Variants in CHSY3 observed in about 807,000 individuals in gnomAD.
CHSY3 encodes the protein chondroitin sulfate synthase 3.
A neutral mutation model predicts 67.2 loss-of-function variants in CHSY3; 35 were observed. That is an observed-to-expected ratio of 0.52 (90% CI 0.40 to 0.69). The LOEUF (loss-of-function observed/expected upper bound fraction) is 0.69, where lower values mean the gene tolerates loss of function less well. Among genes scored for constraint, CHSY3 ranks in the 30% least tolerant of loss-of-function variants. CHSY3 has a pLI of 0.00. For missense variants in CHSY3, 1,069 were observed against 1,138.5 expected (o/e 0.94, Z 0.88); for synonymous variants, 474 against 434.7 (o/e 1.09, Z -1.12).
intron 2 of CHSY3, among the ~76,000 whole-genome samples, chr5:130,002,393 A>G (rs2149639901): frequency 6.6e-6 from 1 of 152,212 alleles, no homozygotes; most frequent in South Asian, 2.1e-4. Context: ...CCTTTTCTGG[A>G]TGTGCCCCAG....
intron 2 of CHSY3, among the ~76,000 whole-genome samples, chr5:130,114,677 G>A (rs1171283915): frequency 6.6e-6 from 1 of 152,148 alleles, no homozygotes; most frequent in East Asian, 1.9e-4. Context: ...GTCACTTAAA[G>A]TTTCTTTATG....
rs1390317084 is a variant in CHSY3 at position 129,940,756 on chromosome 5, G to A, written c.1086+32396G>A. On this transcript the variant is annotated intron_variant, in intron 2 of 2. Coordinates refer to ENST00000305031, the MANE Select transcript of CHSY3 (RefSeq NM_175856.5). The stretch of plus-strand genomic sequence containing the variant: ...TCTGTGTGAGAGTATATTCATGTGT[G>A]TAGACTTTATATATACATATATATA... Among the ~76,000 whole-genome samples, 9 of 151,996 alleles carry A rather than the reference G, an allele frequency of 5.9e-5. No individual in the cohort carries two copies. In the East Asian group the frequency reaches 1.7e-3, roughly 29 times the overall value.
intron 2 of CHSY3, among the ~76,000 whole-genome samples, chr5:129,947,662 G>A (rs940695274): frequency 6.6e-6 from 1 of 151,684 alleles, no homozygotes; most frequent in Non-Finnish European, 1.5e-5. Context: ...ATGAGATTTG[G>A]GTGGGGGCAC....
At chr5:130,009,084 T>C (rs1763970384) in intron 2 of CHSY3, among the ~76,000 whole-genome samples, 1 of 151,916 alleles carries the variant, frequency 6.6e-6, no homozygotes, top group African/African-American at 2.4e-5. Context: ...ACTAGAGAGG[T>C]CAACATTCAA....
chr5:130,143,708 GTA>G (rs1304886236), intron 2 of CHSY3, among the ~76,000 whole-genome samples: 3 of 131,512 alleles, frequency 2.3e-5, no homozygotes, highest in Admixed American at 8.0e-5. Context: ...TACCCATAGG[GTA>G]TATATATATA....
chr5:130,143,756 A>ATATATATATATATATGTG (rs1433405052), intron 2 of CHSY3, among the ~76,000 whole-genome samples: 12 of 101,900 alleles, frequency 1.2e-4, no homozygotes, highest in African/African-American at 5.2e-4. Context: ...ATATATATAT[A>ATATATATATATATATGTG]TGTGTGTGTG....
At chr5:129,935,258 TC>T (rs1460236018) in intron 2 of CHSY3, among the ~76,000 whole-genome samples, 2 of 152,204 alleles carry the variant, frequency 1.3e-5, no homozygotes, top group Non-Finnish European at 2.9e-5. Flanking sequence ...TTACGTATCA[TC>T]TTTTGTCCTA....
chr5:130,009,065 C>T (rs1763969888), intron 2 of CHSY3, among the ~76,000 whole-genome samples: 1 of 152,076 alleles, frequency 6.6e-6, no homozygotes, highest in South Asian at 2.1e-4. Context: ...ACAAAATTTT[C>T]ACAACTTAAC....
At chr5:130,024,708 G>T (rs1300855281) in intron 2 of CHSY3, among the ~76,000 whole-genome samples, 1 of 151,920 alleles carries the variant, frequency 6.6e-6, no homozygotes, top group Admixed American at 6.6e-5. Flanking sequence ...TGAATAGCAT[G>T]AAAAAAAATT....
At chr5:130,112,076 C>T (rs1246268892) in intron 2 of CHSY3, among the ~76,000 whole-genome samples, 2 of 152,088 alleles carry the variant, frequency 1.3e-5, no homozygotes, top group African/African-American at 4.8e-5. Flanking sequence ...CGTTGATTCT[C>T]AGACTGTGGT....
intron 2 of CHSY3, among the ~76,000 whole-genome samples, chr5:130,142,446 C>T (rs1768896876): frequency 6.6e-6 from 1 of 152,092 alleles, no homozygotes; most frequent in African/African-American, 2.4e-5. Context: ...AAAACTGAAA[C>T]CTCGCTTTTT....
intron 2 of CHSY3, among the ~76,000 whole-genome samples, chr5:129,998,401 A>C (rs1763613110): frequency 2.6e-5 from 4 of 152,220 alleles, no homozygotes; most frequent in Admixed American, 1.3e-4. Flanking sequence ...GATGAGCATT[A>C]AGATTGTTTT....
intron 2 of CHSY3, among the ~76,000 whole-genome samples, chr5:129,970,455 CAG>C (rs1405524682): frequency 2.7e-4 from 41 of 151,060 alleles, no homozygotes; most frequent in African/African-American, 9.5e-4. Flanking sequence ...GATAGACAGA[CAG>C]AAAGTGCTTT....
In CHSY3 at chr5:129,904,583, A is replaced by C; in HGVS notation, c.-247A>C. The C allele has an allele frequency of 2.1e-6, 1 of 474,218 alleles. No individual in the cohort carries two copies. Among genetic ancestry groups the C allele is most frequent in the Non-Finnish European group, 3.2e-6 (1 of 312,980 alleles). The allele number at this position is 474,218 out of a possible 1,614,324, so 29.4% of individuals were successfully genotyped here. A position where few individuals can be genotyped will look rare whatever the true frequency, so the allele number is the denominator to read the frequency against. Reference sequence around the variant, plus strand: ...CGCTGCCGCCACCGCCGCCGCCGGGAGAAGTTTCACTCCCGACCCTTGCTC... The same window carrying C: ...CGCTGCCGCCACCGCCGCCGCCGGGCGAAGTTTCACTCCCGACCCTTGCTC... On this transcript the variant is annotated 5_prime_UTR_variant, in exon 1 of 3. Transcript: ENST00000305031.
At chr5:129,936,224 A>G (rs1761483424) in intron 2 of CHSY3, among the ~76,000 whole-genome samples, 2 of 152,238 alleles carry the variant, frequency 1.3e-5, no homozygotes, top group African/African-American at 2.4e-5. Context: ...AATGTATCCT[A>G]TAAAATAAAG....
At position 129,905,325 on chromosome 5, in the gene CHSY3, A is replaced by G; in HGVS notation, c.496A>G (p.Ser166Gly). 6.5e-7 allele frequency: 1 copy of G among 1,527,334 alleles called. No homozygotes were observed. Among genetic ancestry groups the G allele is most frequent in the Non-Finnish European group, 8.8e-7 (1 of 1,141,138 alleles). The allele number at this position is 1,527,334 out of a possible 1,614,324, so 94.6% of individuals were successfully genotyped here. A position where few individuals can be genotyped will look rare whatever the true frequency, so the allele number is the denominator to read the frequency against. The change falls in exon 1 of 3, where the codon AGC becomes GGC. Residue 166 changes from serine to glycine, a missense_variant. Physicochemically the swap from Ser to Gly is moderately conservative, Grantham distance 56. Around this residue, in one of 5 missense-constraint regions of CHSY3, gnomAD observed 309 missense variants for 262.5 expected, o/e 1.18. Transcript: ENST00000305031. ...GSGDGGAAAP[S>G]ARPRDFLYVG... is the part of the protein sequence containing the mutation. ...CGGGGACGGGGGCGCTGCCGCCCCG[A>G]GCGCCCGACCCCGGGACTTCCTGTA...
At chr5:130,027,922 C>A (rs1360286469) in intron 2 of CHSY3, among the ~76,000 whole-genome samples, 4 of 152,132 alleles carry the variant, frequency 2.6e-5, no homozygotes, top group Admixed American at 2.0e-4. Context: ...AATAGTGCTG[C>A]AATAAACATA....
chr5:129,948,499 T>A (rs1293952258), intron 2 of CHSY3, among the ~76,000 whole-genome samples: 2 of 152,234 alleles, frequency 1.3e-5, no homozygotes, highest in African/African-American at 2.4e-5. Flanking sequence ...CAGGTCACTG[T>A]TACTGTGAAT....
chr5:130,123,511 C>T (rs1366533089), intron 2 of CHSY3, among the ~76,000 whole-genome samples: 1 of 152,176 alleles, frequency 6.6e-6, no homozygotes, highest in Non-Finnish European at 1.5e-5. Context: ...GATGTCACTG[C>T]TGATCTGACA....
Sources: gnomAD v4.1 joint callset for allele counts (sites outside exome capture counted in the v4.1 genomes callset) on GRCh38, gnomAD v4.1.1 for gene constraint, gnomAD v4.1.1 regional missense constraint, MANE v1.5 for transcripts, NCBI Gene and HGNC (gene_info 2026-07-23, HGNC 2026-07-21) for gene names.